The following ASIC2 variants were observed in gnomAD, a reference collection of about 807,000 sequenced individuals.
The protein encoded by ASIC2 is acid sensing ion channel subunit 2, also known as acid-sensing ion channel 2.
Under a neutral mutation model 57.3 loss-of-function variants are expected in ASIC2, and 25 were observed. The observed-to-expected ratio is 0.44, with a 90% CI of 0.32 to 0.61. The LOEUF is 0.61. ASIC2 is among the 20% of genes least tolerant of loss of function. The pLI is 0.06. For synonymous variants in ASIC2, 319 were observed against 307.5 expected (o/e 1.04, Z -0.39); for missense variants, 641 against 738.1 (o/e 0.87, Z 1.52).
At chr17:33,609,874 G>A (rs954829385) in intron 1 of ASIC2, among the ~76,000 whole-genome samples, 1 of 152,022 alleles carries the variant, frequency 6.6e-6, no homozygotes, top group Non-Finnish European at 1.5e-5. Flanking sequence ...GGTTGAGGAA[G>A]GAAAAAGAGG....
chr17:33,164,915 C>T (rs1388299082), intron 1 of ASIC2, among the ~76,000 whole-genome samples: 2 of 152,174 alleles, frequency 1.3e-5, no homozygotes, highest in Admixed American at 6.5e-5. Context: ...CTGGGCCCCA[C>T]TCTCTCTCTT....
intron 1 of ASIC2, among the ~76,000 whole-genome samples, chr17:33,788,587 T>C (rs77348305): frequency 0.11 from 16,043 of 152,204 alleles, 1,100 homozygotes; most frequent in Non-Finnish European, 0.14. Flanking sequence ...CGTTCTACTA[T>C]AAAGACTCAT....
At chr17:33,245,255 C>G (rs1041573065) in intron 1 of ASIC2, among the ~76,000 whole-genome samples, 1 of 152,076 alleles carries the variant, frequency 6.6e-6, no homozygotes, top group African/African-American at 2.4e-5. Flanking sequence ...AGGAAAAGAT[C>G]AATTAAAGTG....
At chr17:33,631,761 TCTC>T (rs1452807110) in intron 1 of ASIC2, among the ~76,000 whole-genome samples, 5 of 152,118 alleles carry the variant, frequency 3.3e-5, no homozygotes, top group Middle Eastern at 3.4e-3. Context: ...CACCTGAAAA[TCTC>T]CTTCCAGGGT....
intron 3 of ASIC2, among the ~76,000 whole-genome samples, chr17:33,051,238 G>A (rs2091974436): frequency 6.6e-6 from 1 of 152,130 alleles, no homozygotes; most frequent in South Asian, 2.1e-4. Context: ...GACTCGCAAA[G>A]GCAAAGTGAT....
chr17:34,046,212 AACC>A, intron 1 of ASIC2, among the ~76,000 whole-genome samples: 1 of 152,238 alleles, frequency 6.6e-6, no homozygotes, highest in Non-Finnish European at 1.5e-5. Context: ...GCTGAGCCCT[AACC>A]AATTTACCAA....
rs187837881 is a variant in ASIC2, at chr17:33,500,315, C to T, written c.556-388248G>A. Among the ~76,000 whole-genome samples, 15 of 152,244 alleles carry T rather than the reference C, an allele frequency of 9.9e-5. No individual in the cohort carries two copies. In the East Asian group the frequency reaches 2.9e-3, roughly 29 times the overall value. On this transcript the variant is annotated intron_variant, in intron 1 of 9. Transcript: ENST00000359872. Reference sequence around the variant, plus strand: ...ATGATGTGACAGGCCAAAGTAGCAACTGCCAACTCTGGGATCACACCCTGA... The same window carrying T: ...ATGATGTGACAGGCCAAAGTAGCAATTGCCAACTCTGGGATCACACCCTGA...
intron 1 of ASIC2, among the ~76,000 whole-genome samples, chr17:33,981,144 G>A (rs1186477665): frequency 1.3e-5 from 2 of 151,768 alleles, no homozygotes; most frequent in East Asian, 3.9e-4. Flanking sequence ...TAGAGACGGG[G>A]TTTCACCATG....
chr17:33,059,970 G>T (rs921591309), intron 3 of ASIC2, among the ~76,000 whole-genome samples: 10 of 152,140 alleles, frequency 6.6e-5, no homozygotes, highest in African/African-American at 2.4e-4. Flanking sequence ...TCTGAGAAGT[G>T]TCTGTTCATA....
At chr17:33,321,592 T>G (rs1567822378) in intron 1 of ASIC2, among the ~76,000 whole-genome samples, 1 of 152,112 alleles carries the variant, frequency 6.6e-6, no homozygotes, top group Non-Finnish European at 1.5e-5. Context: ...ATTTCTAGCA[T>G]TTATTATTAT....
At chr17:33,084,023 G>T (rs1232362727) in intron 3 of ASIC2, among the ~76,000 whole-genome samples, 2 of 152,128 alleles carry the variant, frequency 1.3e-5, no homozygotes, top group African/African-American at 4.8e-5. Flanking sequence ...CAGAGCTGGG[G>T]AGAGGGTTTA....
intron 1 of ASIC2, among the ~76,000 whole-genome samples, chr17:33,408,083 A>G (rs1261747016): frequency 6.6e-6 from 1 of 152,124 alleles, no homozygotes; most frequent in African/African-American, 2.4e-5. Flanking sequence ...GCCTTGGGGA[A>G]TGACTTCTCA....
chr17:33,913,330 C>A (rs1329576364), intron 1 of ASIC2, among the ~76,000 whole-genome samples: 5 of 151,822 alleles, frequency 3.3e-5, no homozygotes, highest in African/African-American at 1.2e-4. Flanking sequence ...TTTTTTTAAG[C>A]AAAATGGCCT....
intron 1 of ASIC2, among the ~76,000 whole-genome samples, chr17:33,623,725 T>G (rs1397233552): frequency 3.3e-5 from 5 of 152,352 alleles, no homozygotes; most frequent in African/African-American, 1.2e-4. Flanking sequence ...TCAGTGCTTC[T>G]TTTTCATTCT....
intron 1 of ASIC2, among the ~76,000 whole-genome samples, chr17:33,747,237 T>TC (rs1412008515): frequency 6.7e-6 from 1 of 149,816 alleles, no homozygotes; most frequent in African/African-American, 2.5e-5. Context: ...TTTTTTTTTT[T>TC]TTTTTTGAGA....
chr17:33,066,523 C>T (rs992319132), intron 3 of ASIC2, among the ~76,000 whole-genome samples: 2 of 152,072 alleles, frequency 1.3e-5, no homozygotes, highest in South Asian at 4.2e-4. Context: ...TGAAGATTTT[C>T]GGCTAAAAAC....
At chr17:33,575,731 T>A (rs1054093069) in intron 1 of ASIC2, among the ~76,000 whole-genome samples, 24 of 152,170 alleles carry the variant, frequency 1.6e-4, no homozygotes, top group Non-Finnish European at 2.5e-4. Context: ...AAAACTGTAT[T>A]TGAAACAAGT....
chr17:33,404,800 A>C (rs1327788745), intron 1 of ASIC2, among the ~76,000 whole-genome samples: 1 of 152,228 alleles, frequency 6.6e-6, no homozygotes, highest in Non-Finnish European at 1.5e-5. Flanking sequence ...AGTTCAATGA[A>C]TGAAATGACC....
intron 1 of ASIC2, among the ~76,000 whole-genome samples, chr17:33,221,644 G>A (rs1005849511): frequency 2.0e-5 from 3 of 152,168 alleles, no homozygotes; most frequent in Admixed American, 2.0e-4. Context: ...TCATAAAAGA[G>A]CCATAATGTG....
Sources: gnomAD v4.1 joint callset for allele counts (sites outside exome capture counted in the v4.1 genomes callset) on GRCh38, gnomAD v4.1.1 for gene constraint, MANE v1.5 for transcripts, NCBI Gene and HGNC (gene_info 2026-07-23, HGNC 2026-07-21) for gene names.